EBF3: variants seen among roughly 807,000 people sequenced by gnomAD.
EBF3 encodes the protein transcription factor COE3.
In EBF3, 18 loss-of-function variants were observed where a neutral mutation model predicts 77.1. The ratio of observed to expected loss-of-function variants is 0.23; its 90% CI spans 0.16 to 0.35. The LOEUF (loss-of-function observed/expected upper bound fraction) is 0.35, where lower values mean the gene tolerates loss of function less well. EBF3 is among the 10% of genes least tolerant of loss of function. The probability of loss-of-function intolerance (pLI) is 1.00; values close to 1 mark genes in which losing one functional copy is unlikely to be tolerated. For synonymous variants in EBF3, 350 were observed against 343.5 expected (o/e 1.02, Z -0.21); for missense variants, 558 against 860.0 (o/e 0.65, Z 4.39).
chr10:129,847,407 C>T (rs986974833), intron 11 of EBF3, among the ~76,000 whole-genome samples: 2 of 152,164 alleles, frequency 1.3e-5, no homozygotes, highest in East Asian at 1.9e-4. Flanking sequence ...AAAACCCCTC[C>T]GTGAACTGCT....
At chr10:129,866,846 T>C (rs937463207) in intron 10 of EBF3, among the ~76,000 whole-genome samples, 3 of 152,170 alleles carry the variant, frequency 2.0e-5, no homozygotes, top group Non-Finnish European at 4.4e-5. Context: ...TGGGTGGCTG[T>C]TGTTCCTAAT....
intron 6 of EBF3, among the ~76,000 whole-genome samples, chr10:129,904,005 G>A (rs566747405): frequency 3.7e-4 from 56 of 152,216 alleles, no homozygotes; most frequent in African/African-American, 1.3e-3. Flanking sequence ...CTCAGAAGAG[G>A]GGGTCACATG....
intron 6 of EBF3, among the ~76,000 whole-genome samples, chr10:129,886,206 C>T (rs899806627): frequency 2.0e-5 from 3 of 152,206 alleles, no homozygotes; most frequent in Admixed American, 6.5e-5. Context: ...TTAAATCAAG[C>T]CTGTGCATGC....
At chr10:129,892,003 C>T (rs1854050463) in intron 6 of EBF3, among the ~76,000 whole-genome samples, 1 of 152,210 alleles carries the variant, frequency 6.6e-6, no homozygotes, top group Non-Finnish European at 1.5e-5. Context: ...GCCAATCAGG[C>T]TGTTAAGGGA....
chr10:129,867,652 G>A (rs908541449), intron 9 of EBF3, 130 bp downstream of exon 9: 2 of 1,455,676 alleles, frequency 1.4e-6, no homozygotes, highest in Admixed American at 4.1e-5. Flanking sequence ...TGCTGCCACA[G>A]GCGAACAGTG....
intron 6 of EBF3, among the ~76,000 whole-genome samples, chr10:129,883,509 T>A (rs117966814): frequency 1.3e-5 from 2 of 152,070 alleles, no homozygotes; most frequent in East Asian, 3.9e-4. Context: ...AGCAGCAAAC[T>A]CATACAACAG....
At chr10:129,928,785 C>T (rs997345198) in intron 6 of EBF3, among the ~76,000 whole-genome samples, 6 of 152,184 alleles carry the variant, frequency 3.9e-5, no homozygotes, top group African/African-American at 1.2e-4. Context: ...AGTCAGTTTA[C>T]GGCTGACCAT....
chr10:129,915,988 A>C (rs1380101215), intron 6 of EBF3, among the ~76,000 whole-genome samples: 2 of 152,160 alleles, frequency 1.3e-5, no homozygotes, highest in Non-Finnish European at 2.9e-5. Flanking sequence ...GAATAAGGAA[A>C]AAGCATTGTC....
At position 129,863,695 on chromosome 10, in the gene EBF3, A is replaced by G. The variant is rs973892795; in HGVS notation, c.1039+3446T>C. ...ATGCAAAGGGGCTGGCTCAGTTTTC[A>G]GCGGGGGAGTGCAATTCCCGGTGAT... On this transcript the variant is annotated intron_variant, in intron 10 of 16. Transcript: ENST00000440978. This position sits in a 1 kb window ranked among gnomAD's most constrained non-coding sequence, Gnocchi z 4.0. Among the ~76,000 whole-genome samples the G allele has an allele frequency of 1.4e-4, 21 of 152,194 alleles. No homozygotes were observed. Among genetic ancestry groups the G allele is most frequent in the Non-Finnish European group, 2.8e-4 (19 of 68,018 alleles).
At chr10:129,945,811 C>T (rs1223897285) in intron 6 of EBF3, among the ~76,000 whole-genome samples, 1 of 152,132 alleles carries the variant, frequency 6.6e-6, no homozygotes, top group Non-Finnish European at 1.5e-5. Flanking sequence ...CACCATACAG[C>T]TCTATTTATG....
At chr10:129,909,788 A>G (rs1433102541) in intron 6 of EBF3, among the ~76,000 whole-genome samples, 1 of 152,182 alleles carries the variant, frequency 6.6e-6, no homozygotes, top group South Asian at 2.1e-4. Context: ...CCAGAACAGC[A>G]GCGCCCACCC....
At chr10:129,931,690 T>C (rs1392441576) in intron 6 of EBF3, among the ~76,000 whole-genome samples, 1 of 152,264 alleles carries the variant, frequency 6.6e-6, no homozygotes, top group African/African-American at 2.4e-5. Context: ...CGAAGTCTTC[T>C]CATTCTTTCT....
At chr10:129,868,504 C>A (rs1026786150) in intron 8 of EBF3, among the ~76,000 whole-genome samples, 19 of 152,198 alleles carry the variant, frequency 1.2e-4, no homozygotes, top group African/African-American at 4.6e-4. Context: ...GACAGGGATC[C>A]CCGCGCCGCT....
chr10:129,958,841 G>A (rs1055808222), intron 5 of EBF3, 93 bp downstream of exon 5: 2 of 1,437,132 alleles, frequency 1.4e-6, no homozygotes, highest in East Asian at 2.8e-5. Flanking sequence ...CCCGGAGCTG[G>A]GCGGGGTGGC....
In EBF3 at chr10:129,963,601, G is replaced by C. The variant is rs780153392; in HGVS notation, c.134+34C>G. ...GAGGGGGCCGGGCCGGGCCGGGGCC[G>C]GGGCCAGGGCGCGCGGGGGCGGCCG... On this transcript the variant is annotated intron_variant, in intron 1 of 16. Transcript: ENST00000440978. The surrounding 1 kb of genome is among the most constrained non-coding windows in gnomAD (Gnocchi z 7.1). The C allele has an allele frequency of 1.0e-5, 13 of 1,263,562 alleles. No individual in the cohort carries two copies. The highest frequency in any genetic ancestry group is 4.8e-5 in the African/African-American group (3 of 62,498). 78.3% of individuals were successfully genotyped at this position (1,263,562 alleles called of 1,614,324 possible).
intron 8 of EBF3, among the ~76,000 whole-genome samples, chr10:129,868,135 G>A (rs1451617115): frequency 1.3e-5 from 2 of 152,214 alleles, no homozygotes; most frequent in Non-Finnish European, 2.9e-5. Context: ...TAGTGAGCGA[G>A]AAAAAAATGG....
intron 6 of EBF3, among the ~76,000 whole-genome samples, chr10:129,915,622 C>T (rs1855835311): frequency 1.3e-5 from 2 of 152,214 alleles, no homozygotes; most frequent in African/African-American, 4.8e-5. Flanking sequence ...TGGGCGAGCA[C>T]AGCCGCCGAG....
intron 6 of EBF3, among the ~76,000 whole-genome samples, chr10:129,915,462 G>GCACACACACACACACACA (rs3041735): frequency 7.2e-6 from 1 of 139,636 alleles, no homozygotes; most frequent in African/African-American, 2.7e-5. Flanking sequence ...GCGCACACAT[G>GCACACACACACACACACA]CACACACACA....
rs1242606180 is a variant in EBF3 at position 129,837,732 on chromosome 10, TC to T, written c.*210del. The stretch of plus-strand genomic sequence containing the variant: ...AGTTCAGTCAATAAAATGGAATTGT[TC>T]ATGAAGAAGTAGGCTGTTTGCATGT... On this transcript the variant is annotated 3_prime_UTR_variant, in exon 17 of 17. Coordinates refer to ENST00000440978, the MANE Select transcript of EBF3 (RefSeq NM_001375380.1). 23 of 605,364 alleles carry T rather than the reference TC, an allele frequency of 3.8e-5. No individual in the cohort carries two copies. The highest frequency in any genetic ancestry group is 6.1e-5 in the Non-Finnish European group (21 of 346,388). 37.5% of individuals were successfully genotyped at this position (605,364 alleles called of 1,614,324 possible). A position where few individuals can be genotyped will look rare whatever the true frequency, so the allele number is the denominator to read the frequency against.
Sources: gnomAD v4.1 joint callset for allele counts (sites outside exome capture counted in the v4.1 genomes callset) on GRCh38, gnomAD v4.1.1 for gene constraint, Gnocchi (gnomAD v3.1) non-coding constraint, MANE v1.5 for transcripts, NCBI Gene and HGNC (gene_info 2026-07-23, HGNC 2026-07-21) for gene names.